SLC4A10: variants seen among roughly 807,000 people sequenced by gnomAD.
SLC4A10 encodes the protein solute carrier family 4 member 10.
Under a neutral mutation model 137.7 loss-of-function variants are expected in SLC4A10, and 42 were observed. The observed-to-expected ratio is 0.30, with a 90% confidence interval of 0.24 to 0.39. The LOEUF is 0.39. SLC4A10 is among the 10% of genes least tolerant of loss of function. The pLI is 1.00. For missense variants in SLC4A10, 925 were observed against 1,355.0 expected (o/e 0.68, Z 4.98); for synonymous variants, 474 against 464.1 (o/e 1.02, Z -0.27).
chr2:161,967,904 C>G (rs1458869907), intron 23 of SLC4A10, among the ~76,000 whole-genome samples: 1 of 151,552 alleles, frequency 6.6e-6, no homozygotes, highest in East Asian at 1.9e-4. Flanking sequence ...TATACTCAAG[C>G]AGTAACTTAC....
At chr2:161,883,505 T>G (rs2061977585) in intron 10 of SLC4A10, among the ~76,000 whole-genome samples, 1 of 152,172 alleles carries the variant, frequency 6.6e-6, no homozygotes, top group Non-Finnish European at 1.5e-5. Context: ...CCCTCAGTTT[T>G]CAAAAGGAAC....
At chr2:161,783,775 T>C (rs2053319156) in intron 2 of SLC4A10, among the ~76,000 whole-genome samples, 1 of 151,280 alleles carries the variant, frequency 6.6e-6, no homozygotes, top group Non-Finnish European at 1.5e-5. Context: ...TAGAAAGGTA[T>C]CAAAGATTCC....
At chr2:161,828,212 A>G (rs2058156187) in intron 3 of SLC4A10, among the ~76,000 whole-genome samples, 1 of 152,180 alleles carries the variant, frequency 6.6e-6, no homozygotes, top group South Asian at 2.1e-4. Context: ...TGCTCATTAC[A>G]TGATGCAAAC....
At chr2:161,893,324 A>G (rs904083883) in intron 10 of SLC4A10, among the ~76,000 whole-genome samples, 5 of 152,142 alleles carry the variant, frequency 3.3e-5, no homozygotes, top group Non-Finnish European at 5.9e-5. Flanking sequence ...AACTTTCTGC[A>G]CTGTGTAGAT....
chr2:161,703,330 C>A (rs1036119700), intron 1 of SLC4A10, among the ~76,000 whole-genome samples: 2 of 151,356 alleles, frequency 1.3e-5, no homozygotes, highest in Admixed American at 6.6e-5. Flanking sequence ...TGATAGAATA[C>A]CAGTTAGCCA....
intron 1 of SLC4A10, among the ~76,000 whole-genome samples, chr2:161,639,712 C>T (rs1574037149): frequency 6.6e-6 from 1 of 152,070 alleles, no homozygotes; most frequent in East Asian, 1.9e-4. Flanking sequence ...AAATCTAAAA[C>T]AAGATAAGGA....
rs966408750 is a variant in SLC4A10 at position 161,775,507 on chromosome 2, G to A, written c.130+4453G>A. Among the ~76,000 whole-genome samples the A allele has an allele frequency of 1.3e-4, 19 of 151,872 alleles. 1 individual carries two copies. The highest frequency in any genetic ancestry group is 1.1e-3 in the Admixed American group (17 of 15,208). ...ATATTAACCCATTGACCAGGAAGTG[G>A]CAAGTGTGTTGGAGGTCTTGGTAAG... On this transcript the variant is annotated intron_variant, in intron 2 of 26. Transcript: ENST00000446997.
chr2:161,771,943 T>C (rs1269923860), intron 2 of SLC4A10, among the ~76,000 whole-genome samples: 3 of 151,874 alleles, frequency 2.0e-5, no homozygotes, highest in Admixed American at 1.3e-4. Context: ...AAGGGTTTTT[T>C]CATTTTAAAC....
intron 6 of SLC4A10, among the ~76,000 whole-genome samples, chr2:161,870,913 G>C (rs1304884223): frequency 6.6e-6 from 1 of 151,682 alleles, no homozygotes; most frequent in Non-Finnish European, 1.5e-5. Context: ...TGAAAGTAGT[G>C]AAATCCTTAA....
At chr2:161,856,417 A>G (rs2060106916) in intron 5 of SLC4A10, among the ~76,000 whole-genome samples, 1 of 151,000 alleles carries the variant, frequency 6.6e-6, no homozygotes, top group Non-Finnish European at 1.5e-5. Flanking sequence ...CCCAAATAGG[A>G]AAGATAAGCG....
rs374190018 is a variant in SLC4A10 at position 161,728,552 on chromosome 2, C to T, written c.49-42421C>T. Among the ~76,000 whole-genome samples, 19 of 151,432 alleles carry T rather than the reference C, an allele frequency of 1.3e-4. No homozygotes were observed. In the East Asian group the frequency reaches 2.1e-3, roughly 17 times the overall value. ...ATCGCGCCCTGTACTCCAGCCTAGG[C>T]GACAGAGGAAGACCCTGTCCAAAGG... On this transcript the variant is annotated intron_variant, in intron 1 of 26. Transcript: ENST00000446997.
chr2:161,754,947 G>A (rs1319584217), intron 1 of SLC4A10, among the ~76,000 whole-genome samples: 6 of 152,100 alleles, frequency 3.9e-5, no homozygotes, highest in Non-Finnish European at 8.8e-5. Context: ...GTCAAAAGCA[G>A]GCAAGTTGGC....
chr2:161,735,502 A>G (rs951401855), intron 1 of SLC4A10, among the ~76,000 whole-genome samples: 8 of 152,200 alleles, frequency 5.3e-5, no homozygotes, highest in Non-Finnish European at 1.0e-4. Flanking sequence ...ACTGAAAATA[A>G]TTTTGAAAAT....
chr2:161,697,347 T>A (rs1192320956), intron 1 of SLC4A10, among the ~76,000 whole-genome samples: 2 of 152,196 alleles, frequency 1.3e-5, no homozygotes, highest in Non-Finnish European at 2.9e-5. Context: ...TTGTTGCCAT[T>A]GCTTTTGGTG....
At chr2:161,699,108 G>C (rs1054916272) in intron 1 of SLC4A10, among the ~76,000 whole-genome samples, 2 of 152,068 alleles carry the variant, frequency 1.3e-5, no homozygotes, top group African/African-American at 4.8e-5. Flanking sequence ...CAAGCTACGC[G>C]TCCTGGGTTC....
chr2:161,663,976 G>A (rs1463512747), intron 1 of SLC4A10, among the ~76,000 whole-genome samples: 1 of 151,926 alleles, frequency 6.6e-6, no homozygotes, highest in East Asian at 1.9e-4. Flanking sequence ...GAAATTTCCT[G>A]AGGCAAAGAA....
chr2:161,804,705 TAA>T (rs934677567), intron 3 of SLC4A10, 110 bp downstream of exon 3: 8 of 1,060,294 alleles, frequency 7.5e-6, no homozygotes, highest in Non-Finnish European at 8.8e-6. Context: ...TATACTTTTA[TAA>T]AAGACTTTGG....
At chr2:161,774,282 T>C (rs2052038864) in intron 2 of SLC4A10, among the ~76,000 whole-genome samples, 1 of 151,948 alleles carries the variant, frequency 6.6e-6, no homozygotes, top group Admixed American at 6.6e-5. Flanking sequence ...TTTCTTCTAC[T>C]TTCCCTTTAA....
intron 1 of SLC4A10, among the ~76,000 whole-genome samples, chr2:161,628,744 A>G (rs1031366956): frequency 2.6e-5 from 4 of 152,078 alleles, no homozygotes; most frequent in Admixed American, 6.6e-5. Flanking sequence ...TTACTCTAGC[A>G]TGGTGAGTGA....
Sources: allele counts gnomAD v4.1 joint callset (sites outside exome capture counted in the v4.1 genomes callset), GRCh38; gene constraint gnomAD v4.1.1; transcripts MANE v1.5; gene names NCBI Gene and HGNC (gene_info 2026-07-23, HGNC 2026-07-21).